The following ZKSCAN5 variants were observed in gnomAD, a reference collection of about 807,000 sequenced individuals.
ZKSCAN5 encodes zinc finger protein with KRAB and SCAN domains 5.
A neutral mutation model predicts 60.0 loss-of-function variants in ZKSCAN5; 28 were observed. The observed-to-expected ratio is 0.47, with a 90% confidence interval of 0.35 to 0.64. ZKSCAN5 has a LOEUF of 0.64. Among genes scored for constraint, ZKSCAN5 ranks in the 30% least tolerant of loss-of-function variants. The pLI is 0.01. For missense variants in ZKSCAN5, 881 were observed against 1,034.6 expected (o/e 0.85, Z 2.04); for synonymous variants, 361 against 371.2 (o/e 0.97, Z 0.31).
chr7:99,523,931 C>T (rs1309216536), intron 5 of ZKSCAN5, among the ~76,000 whole-genome samples: 1 of 151,946 alleles, frequency 6.6e-6, no homozygotes, highest in Non-Finnish European at 1.5e-5. Context: ...TTAAATATAC[C>T]ATAAAATTGT....
intron 3 of ZKSCAN5, among the ~76,000 whole-genome samples, chr7:99,519,529 G>C (rs1295551604): frequency 2.0e-5 from 3 of 151,988 alleles, no homozygotes; most frequent in African/African-American, 7.3e-5. Flanking sequence ...TGCCCCCCTT[G>C]ACCTCCCAAA....
chr7:99,527,835 C>T (rs1459507893), intron 6 of ZKSCAN5, among the ~76,000 whole-genome samples: 2 of 152,116 alleles, frequency 1.3e-5, no homozygotes, highest in African/African-American at 4.8e-5. Flanking sequence ...CAGGCATTTG[C>T]CACCATACCT....
In ZKSCAN5 at chr7:99,532,304, G is replaced by A; in HGVS notation, c.*55G>A. ...TGGAGGGAAACCATACTCCTATAAT[G>A]AGCAAAGTAACAACTTCAAGCATTT... On this transcript the variant is annotated 3_prime_UTR_variant, in exon 7 of 7. Coordinates refer to ENST00000326775, the MANE Select transcript of ZKSCAN5 (RefSeq NM_145102.4). 6.8e-7 allele frequency: 1 copy of A among 1,474,356 alleles called. No homozygotes were observed. The highest frequency in any genetic ancestry group is 9.0e-7 in the Non-Finnish European group (1 of 1,108,428). The allele number at this position is 1,474,356 out of a possible 1,614,324, so 91.3% of individuals were successfully genotyped here.
At chr7:99,520,428 T>C in intron 5 of ZKSCAN5, 124 bp downstream of exon 5, 1 of 1,180,292 alleles carries the variant, frequency 8.5e-7, no homozygotes, top group Non-Finnish European at 1.2e-6. Flanking sequence ...TTTTTTTATT[T>C]TTTGTAAAAG....
At chr7:99,521,575 T>C (rs1259757002) in intron 5 of ZKSCAN5, among the ~76,000 whole-genome samples, 1 of 152,224 alleles carries the variant, frequency 6.6e-6, no homozygotes, top group Non-Finnish European at 1.5e-5. Flanking sequence ...CAAGCTTTTA[T>C]TTAACAGGTA....
intron 5 of ZKSCAN5, 91 bp downstream of exon 5, chr7:99,520,395 G>T: frequency 1.4e-6 from 2 of 1,422,584 alleles, no homozygotes; most frequent in South Asian, 1.5e-5. Flanking sequence ...TGGCATTTAT[G>T]TTTTATGTGC....
At chr7:99,505,132 C>CA (rs1284067559) in intron 1 of ZKSCAN5, 1 of 152,132 alleles carries the variant, frequency 6.6e-6, no homozygotes, top group Non-Finnish European at 1.5e-5. Context: ...GTCCCATCTC[C>CA]CCGCCGATTG....
chr7:99,509,074 A>C (rs1476431269), intron 2 of ZKSCAN5, among the ~76,000 whole-genome samples: 2 of 151,550 alleles, frequency 1.3e-5, no homozygotes, highest in African/African-American at 4.8e-5. Flanking sequence ...CTGCAACCTC[A>C]GCTTCCTGGG....
At chr7:99,525,297 C>A (rs891590156) in intron 5 of ZKSCAN5, among the ~76,000 whole-genome samples, 11 of 151,928 alleles carry the variant, frequency 7.2e-5, no homozygotes, top group Admixed American at 5.9e-4. Flanking sequence ...CATAATGAGA[C>A]CCTCATCTCT....
intron 3 of ZKSCAN5, among the ~76,000 whole-genome samples, chr7:99,516,614 A>G (rs960709323): frequency 1.3e-5 from 2 of 152,138 alleles, no homozygotes; most frequent in Admixed American, 1.3e-4. Flanking sequence ...GTGGATGGTG[A>G]GATCCAGACA....
At chr7:99,519,782 C>G (rs538643371) in intron 3 of ZKSCAN5, 45 bp from the exon 4 acceptor site, 1 of 1,567,178 alleles carries the variant, frequency 6.4e-7, no homozygotes, top group African/African-American at 1.4e-5. Context: ...CAATGAGAAC[C>G]GGGCAAAGAT....
Position 99,532,268 on chromosome 7 carries a change from A to T in ZKSCAN5, c.*19A>T. On this transcript the variant is annotated 3_prime_UTR_variant, in exon 7 of 7. Transcript: ENST00000326775. ...GTTGTAGAATAGCTCTTAATTTTAG[A>T]GAAACCTTCCTGGAGGGAAACCATA... 6.5e-7 allele frequency: 1 copy of T among 1,533,828 alleles called. No individual in the cohort carries two copies. Among genetic ancestry groups the T allele is most frequent in the Non-Finnish European group, 8.7e-7 (1 of 1,146,822 alleles).
At chr7:99,513,457 G>A (rs59632901) in intron 3 of ZKSCAN5, among the ~76,000 whole-genome samples, 148 of 152,190 alleles carry the variant, frequency 9.7e-4, no homozygotes, top group African/African-American at 3.3e-3. Context: ...GCAGTGGTGC[G>A]ATCTTGGCTC....
chr7:99,512,741 G>T, intron 3 of ZKSCAN5, 150 bp downstream of exon 3: 1 of 895,838 alleles, frequency 1.1e-6, no homozygotes, highest in Non-Finnish European at 1.5e-6. Flanking sequence ...CAGGGACCTG[G>T]AGTTGAGTCC....
chr7:99,522,659 C>T (rs963548107), intron 5 of ZKSCAN5, among the ~76,000 whole-genome samples: 1 of 151,474 alleles, frequency 6.6e-6, no homozygotes, highest in Non-Finnish European at 1.5e-5. Context: ...CCTAATTTTT[C>T]TGTTTTTAGT....
intron 2 of ZKSCAN5, among the ~76,000 whole-genome samples, chr7:99,507,610 T>C (rs1211976201): frequency 1.3e-5 from 2 of 150,538 alleles, no homozygotes; most frequent in African/African-American, 4.9e-5. Flanking sequence ...TATATATGTA[T>C]ATATATAGGC....
intron 6 of ZKSCAN5, among the ~76,000 whole-genome samples, chr7:99,526,767 C>T (rs1365511238): frequency 1.3e-5 from 2 of 152,130 alleles, no homozygotes; most frequent in African/African-American, 4.8e-5. Flanking sequence ...GTTGGCTAGG[C>T]TGGTTTTGAA....
At position 99,532,423 on chromosome 7, in the gene ZKSCAN5, C is replaced by A. The variant is rs984566585; in HGVS notation, c.*174C>A. The A allele has an allele frequency of 5.8e-6, 3 of 517,628 alleles. No individual in the cohort carries two copies. Among genetic ancestry groups the A allele is most frequent in the African/African-American group, 3.9e-5 (2 of 51,114 alleles). The allele number at this position is 517,628 out of a possible 1,614,324, so 32.1% of individuals were successfully genotyped here. A position where few individuals can be genotyped will look rare whatever the true frequency, so the allele number is the denominator to read the frequency against. On this transcript the variant is annotated 3_prime_UTR_variant, in exon 7 of 7. Coordinates refer to ENST00000326775, the MANE Select transcript of ZKSCAN5 (RefSeq NM_145102.4). Reference sequence around the variant, plus strand: ...CCGGAGAACCCACAATAATAGAAATCTTTTCGTGTTCCCCATTGAGAAATG... The same window carrying A: ...CCGGAGAACCCACAATAATAGAAATATTTTCGTGTTCCCCATTGAGAAATG...
chr7:99,505,997 T>G lies in ZKSCAN5; in HGVS notation c.-40-8T>G, dbSNP rs753220888. 6.3e-7 allele frequency: 1 copy of G among 1,579,148 alleles called. No homozygotes were observed. Among genetic ancestry groups the G allele is most frequent in the South Asian group, 1.1e-5 (1 of 87,730 alleles). On this transcript the variant is annotated splice_region_variant and splice_polypyrimidine_tract_variant and intron_variant, in intron 1 of 6. Coordinates refer to ENST00000326775, the MANE Select transcript of ZKSCAN5 (RefSeq NM_145102.4). ...AGATATTAAAGAGCAGAAAAACAAT[T>G]GTTTCAGTGTAACACAGCCAGCCTC... is the stretch of plus-strand genomic sequence containing the variant.
Sources: gnomAD v4.1 joint callset for allele counts (sites outside exome capture counted in the v4.1 genomes callset) on GRCh38, gnomAD v4.1.1 for gene constraint, MANE v1.5 for transcripts, NCBI Gene and HGNC (gene_info 2026-07-23, HGNC 2026-07-21) for gene names.